The following CNGA4 variants were observed in gnomAD, a reference collection of about 807,000 sequenced individuals.
CNGA4 encodes the protein cyclic nucleotide-gated channel alpha-4.
Under a neutral mutation model 45.6 loss-of-function variants are expected in CNGA4, and 32 were observed. That is an observed-to-expected ratio of 0.70 (90% CI 0.53 to 0.94). The LOEUF (loss-of-function observed/expected upper bound fraction) is 0.94. CNGA4 is among the 40% of genes least tolerant of loss of function. The probability of loss-of-function intolerance (pLI) is 0.00; values close to 1 mark genes in which losing one functional copy is unlikely to be tolerated. For missense variants in CNGA4, 726 were observed against 755.1 expected (o/e 0.96, Z 0.45); for synonymous variants, 293 against 304.6 (o/e 0.96, Z 0.40).
chr11:6,237,050 T>C (rs1847847646), upstream of CNGA4, among the ~76,000 whole-genome samples: 2 of 152,170 alleles, frequency 1.3e-5, no homozygotes, highest in Non-Finnish European at 2.9e-5. Context: ...ACAGAACTTC[T>C]CACAATGTGA....
Position 6,244,451 on chromosome 11 carries a change from A to G in CNGA4, c.*42A>G. On this transcript the variant is annotated 3_prime_UTR_variant, in exon 6 of 6. Transcript: ENST00000379936. This position sits in a 1 kb window ranked among gnomAD's most constrained non-coding sequence, Gnocchi z 4.5. ...AGGATTCCCACCTCCTAGTGAATCC[A>G]GAGTTGTAGTAAAGCCTAACTGCTG... 1 of 1,533,366 alleles carries G rather than the reference A, an allele frequency of 6.5e-7. No homozygotes were observed. Among genetic ancestry groups the G allele is most frequent in the Non-Finnish European group, 8.9e-7 (1 of 1,129,236 alleles). The allele number at this position is 1,533,366 out of a possible 1,614,324, so 95.0% of individuals were successfully genotyped here.
Position 6,241,608 on chromosome 11 carries a change from G to T in CNGA4, c.1095G>T (p.Gln365His), listed in dbSNP as rs748205700. ...TGGAGGAGCTGGTGCTGAAGCTGCA[G>T]CCCCAGACCTACTCACCAGGTGAAT... is the stretch of plus-strand genomic sequence containing the variant. The part of the protein sequence containing the change: ...SLLEELVLKL[Q>H]PQTYSPGEYV... Residue 365 changes from glutamine (Q) to histidine (H), a missense_variant, in exon 5 of 6, where the codon CAG becomes CAT. Transcript: ENST00000379936. The T allele has an allele frequency of 1.9e-6, 3 of 1,614,118 alleles. No homozygotes were observed. The highest frequency in any genetic ancestry group is 1.7e-5 in the Admixed American group (1 of 60,010).
intron 5 of CNGA4, among the ~76,000 whole-genome samples, chr11:6,242,253 G>A (rs969633477): frequency 6.6e-5 from 10 of 151,838 alleles, no homozygotes; most frequent in African/African-American, 1.2e-4. Flanking sequence ...GCCCAACGTC[G>A]CACAGGTATA....
Position 6,244,277 on chromosome 11 carries a change from G to C in CNGA4, c.1596G>C (p.Leu532=), listed in dbSNP as rs745740448. Residue 532 remains leucine (L), a synonymous_variant, in exon 6 of 6, where the codon CTG becomes CTC. Coordinates refer to ENST00000379936, the MANE Select transcript of CNGA4 (RefSeq NM_001037329.4). This position sits in a 1 kb window ranked among gnomAD's most constrained non-coding sequence, Gnocchi z 4.5. ...AGATTGCTTACCGCATTGAACGGCT[G>C]GAGTGGCAGACTCGAGAGTGGCCAA... ...ALKIAYRIER[L]EWQTREWPMP... 4 of 1,614,034 alleles carry C rather than the reference G, an allele frequency of 2.5e-6. No individual in the cohort carries two copies. In the Admixed American group the frequency reaches 6.7e-5, roughly 27 times the overall value.
chr11:6,237,465 A>G (rs1847852808), upstream of CNGA4, among the ~76,000 whole-genome samples: 1 of 152,094 alleles, frequency 6.6e-6, no homozygotes. Flanking sequence ...GGGAGCCACT[A>G]TATGAGAAAG....
Position 6,240,077 on chromosome 11 carries a change from C to T in CNGA4, c.283C>T (p.Gln95Ter), listed in dbSNP as rs140371117. Reference protein sequence around the residue: ...VVRFHTGFLEQGILVVDKGRI... With the variant: ...VVRFHTGFLE The stretch of plus-strand genomic sequence containing the variant: ...CTCCCTCTCCCCAGGATTCTTGGAA[C>T]AGGGCATCCTGGTGGTGGACAAGGG... The change falls in exon 4 of 6, where the codon CAG (glutamine) becomes TAG (stop). Residue 95 changes from glutamine (Q) to a stop codon, truncating the protein, a stop_gained. Transcript: ENST00000379936. LOFTEE classifies it high-confidence loss of function. The surrounding 1 kb of genome is among the most constrained non-coding windows in gnomAD (Gnocchi z 4.9). The T allele has an allele frequency of 3.5e-4, 557 of 1,607,186 alleles. No individual in the cohort carries two copies. Among genetic ancestry groups the T allele is most frequent in the Non-Finnish European group, 4.6e-4 (543 of 1,176,330 alleles).
upstream of CNGA4, among the ~76,000 whole-genome samples, chr11:6,238,444 A>G: frequency 6.6e-6 from 1 of 152,184 alleles, no homozygotes; most frequent in East Asian, 1.9e-4. Context: ...GTTTGTTTTG[A>G]TATAGGAGAT....
chr11:6,240,642 A>G lies in CNGA4; in HGVS notation c.848A>G (p.His283Arg), dbSNP rs1213177677. Residue 283 changes from histidine (H) to arginine (R), a missense_variant, in exon 4 of 6, where the codon CAT becomes CGT. Physicochemically the swap from His to Arg is conservative, Grantham distance 29 (BLOSUM62 0). Transcript: ENST00000379936. The surrounding 1 kb of genome is among the most constrained non-coding windows in gnomAD (Gnocchi z 4.9). ...NTADAAFYPD[H>R]ALVKKYMKLQ... ...GCAGATGCGGCTTTCTACCCAGATC[A>G]TGCACTGGTGAAGAAGTACATGAAG... 1 of 1,614,216 alleles carries G rather than the reference A, an allele frequency of 6.2e-7. No homozygotes were observed. The highest frequency in any genetic ancestry group is 8.5e-7 in the Non-Finnish European group (1 of 1,180,046).
upstream of CNGA4, chr11:6,235,528 G>A (rs1008285839): frequency 1.0e-5 from 10 of 985,330 alleles, no homozygotes; most frequent in Non-Finnish European, 1.2e-5. Context: ...GTACGGTGAA[G>A]GAGCTTAGGG....
Position 6,239,814 on chromosome 11 carries a change from C to G in CNGA4, c.271+24C>G, listed in dbSNP as rs538115869. 20 of 1,596,246 alleles carry G rather than the reference C, an allele frequency of 1.3e-5. No individual in the cohort carries two copies. The South Asian group carries it at 1.6e-4, about 12-fold the overall frequency. ...AGGTCAGTGGGCTTCTAGGAATGAC[C>G]CTTTGTCCCACATTCCCTTCCTAAA... On this transcript the variant is annotated intron_variant, in intron 3 of 5. Transcript: ENST00000379936.
chr11:6,241,619 A>G lies in CNGA4; in HGVS notation c.1106A>G (p.Tyr369Cys). The change falls in exon 5 of 6, where the codon TAC becomes TGC. Residue 369 changes from tyrosine (Y) to cysteine (C), a missense_variant. Physicochemically the swap from Tyr to Cys is radical, Grantham distance 194. Transcript: ENST00000379936. ...GTGCTGAAGCTGCAGCCCCAGACCT[A>G]CTCACCAGGTGAATATGTATGCCGC... ...ELVLKLQPQT[Y>C]SPGEYVCRKG... 6.2e-7 allele frequency: 1 copy of G among 1,614,166 alleles called. No individual in the cohort carries two copies. Among genetic ancestry groups the G allele is most frequent in the Non-Finnish European group, 8.5e-7 (1 of 1,180,036 alleles).
chr11:6,240,638 G>T lies in CNGA4; in HGVS notation c.844G>T (p.Asp282Tyr). The T allele has an allele frequency of 1.2e-6, 2 of 1,614,202 alleles. No homozygotes were observed. The highest frequency in any genetic ancestry group is 1.7e-6 in the Non-Finnish European group (2 of 1,180,034). ...MNTADAAFYP[D>Y]HALVKKYMKL... ...CACTGCAGATGCGGCTTTCTACCCA[G>T]ATCATGCACTGGTGAAGAAGTACAT... is the stretch of plus-strand genomic sequence containing the variant. The change falls in exon 4 of 6, where the codon GAT becomes TAT. Residue 282 changes from aspartate (D) to tyrosine (Y), a missense_variant. Physicochemically the swap from Asp to Tyr is radical, Grantham distance 160. Transcript: ENST00000379936. The surrounding 1 kb of genome is among the most constrained non-coding windows in gnomAD (Gnocchi z 4.9).
At chr11:6,244,745 C>T (rs911773471), downstream of CNGA4, among the ~76,000 whole-genome samples, 3 of 152,108 alleles carry the variant, frequency 2.0e-5, no homozygotes, top group Non-Finnish European at 2.9e-5. This position sits in a 1 kb window ranked among gnomAD's most constrained non-coding sequence, Gnocchi z 4.5. Flanking sequence ...ATGTATCTTA[C>T]ACCCACATAA....
rs116499169 is a variant in CNGA4, at chr11:6,240,721, C to T, written c.917+10C>T. On this transcript the variant is annotated intron_variant, in intron 4 of 5. Coordinates refer to ENST00000379936, the MANE Select transcript of CNGA4 (RefSeq NM_001037329.4). This position sits in a 1 kb window ranked among gnomAD's most constrained non-coding sequence, Gnocchi z 4.9. ...GGCGAGTTATTGACTGGTGAGAAGGCGGGGTTCCAGACCAGGACAGGGACC... is the reference window on the plus strand; with the variant it reads ...GGCGAGTTATTGACTGGTGAGAAGGTGGGGTTCCAGACCAGGACAGGGACC... 996 of 1,608,122 alleles carry T rather than the reference C, an allele frequency of 6.2e-4. 4 individuals carry two copies. In the African/African-American group the frequency reaches 0.012, roughly 19 times the overall value.
rs2133876055 is a variant in CNGA4, at chr11:6,240,586, C to T, written c.792C>T (p.Ser264=). The change falls in exon 4 of 6, where the codon AGC becomes AGT. Residue 264 remains serine, a synonymous_variant. Coordinates refer to ENST00000379936, the MANE Select transcript of CNGA4 (RefSeq NM_001037329.4). The surrounding 1 kb of genome is among the most constrained non-coding windows in gnomAD (Gnocchi z 4.9). ...AVMGFATIMG[S]MSSVIYNMNT... is the part of the protein sequence containing the mutation. Reference sequence around the variant, plus strand: ...TGGGTTTCGCCACCATCATGGGTAGCATGAGCTCTGTCATCTACAACATGA... The same window carrying T: ...TGGGTTTCGCCACCATCATGGGTAGTATGAGCTCTGTCATCTACAACATGA... 1 of 1,614,250 alleles carries T rather than the reference C, an allele frequency of 6.2e-7. No homozygotes were observed.
At chr11:6,243,902 C>G in intron 5 of CNGA4, 47 bp from the exon 6 acceptor site, 1 of 1,563,544 alleles carries the variant, frequency 6.4e-7, no homozygotes, top group Non-Finnish European at 8.7e-7. Flanking sequence ...ATGCCACCTC[C>G]TCACCCTCCT....
chr11:6,243,045 C>T (rs983148406), intron 5 of CNGA4, among the ~76,000 whole-genome samples: 1 of 152,200 alleles, frequency 6.6e-6, no homozygotes, highest in East Asian at 1.9e-4. Flanking sequence ...CTCTGCGCTT[C>T]TCGCACTCTG....
chr11:6,239,895 G>A (rs923283916), intron 3 of CNGA4, 105 bp downstream of exon 3: 19 of 1,353,144 alleles, frequency 1.4e-5, no homozygotes, highest in Admixed American at 2.0e-5. Context: ...GCACCTTCGC[G>A]TGCCTCTATG....
In CNGA4 at chr11:6,241,819, T is replaced by C. The variant is rs770367579; in HGVS notation, c.1267+39T>C. 6.3e-6 allele frequency: 10 copies of C among 1,585,990 alleles called. No homozygotes were observed. The Admixed American group carries it at 1.3e-4, about 21-fold the overall frequency. ...TATTTGTTCCAGGGACAAGGATGGG[T>C]GGGGTAGGGGGGAACAGCAGAGCCC... On this transcript the variant is annotated intron_variant, in intron 5 of 5. Coordinates refer to ENST00000379936, the MANE Select transcript of CNGA4 (RefSeq NM_001037329.4).
Sources: gnomAD v4.1 joint callset for allele counts (sites outside exome capture counted in the v4.1 genomes callset) on GRCh38, gnomAD v4.1.1 for gene constraint, Gnocchi (gnomAD v3.1) non-coding constraint, MANE v1.5 for transcripts, NCBI Gene and HGNC (gene_info 2026-07-23, HGNC 2026-07-21) for gene names.